Variants in NDUFS6 observed in about 807,000 individuals in gnomAD.
The protein encoded by NDUFS6 is NADH dehydrogenase [ubiquinone] iron-sulfur protein 6, mitochondrial.
A neutral mutation model predicts 13.2 loss-of-function variants in NDUFS6; 14 were observed. The ratio of observed to expected loss-of-function variants is 1.06; its 90% CI spans 0.70 to 1.66. The LOEUF (loss-of-function observed/expected upper bound fraction) is 1.66. Ranked by LOEUF, NDUFS6 falls within the 40% of genes most tolerant of loss-of-function variation. The pLI is 0.00. For synonymous variants in NDUFS6, 95 were observed against 72.3 expected (o/e 1.31, Z -1.60); for missense variants, 206 against 170.8 (o/e 1.21, Z -1.15).
chr5:1,812,521 C>T (rs1387406733), intron 2 of NDUFS6, among the ~76,000 whole-genome samples: 2 of 148,394 alleles, frequency 1.3e-5, no homozygotes, highest in African/African-American at 2.5e-5. Context: ...CAAATTTCCC[C>T]GGGTTGACTC....
At chr5:1,809,252 G>A (rs1405446117) in intron 2 of NDUFS6, among the ~76,000 whole-genome samples, 1 of 152,220 alleles carries the variant, frequency 6.6e-6, no homozygotes, top group Non-Finnish European at 1.5e-5. Context: ...CTTAACAAGA[G>A]ATGGCGTGCG....
intron 2 of NDUFS6, among the ~76,000 whole-genome samples, chr5:1,802,872 G>T (rs549437634): frequency 4.4e-4 from 67 of 151,992 alleles, no homozygotes; most frequent in Non-Finnish European, 9.1e-4. Context: ...GTGACCACTG[G>T]AGAAAGAATG....
At chr5:1,805,507 AC>A (rs1165278275) in intron 2 of NDUFS6, among the ~76,000 whole-genome samples, 2 of 152,238 alleles carry the variant, frequency 1.3e-5, no homozygotes, top group East Asian at 3.9e-4. Context: ...TGGGCCTGTG[AC>A]GGGCCTGCCT....
rs1321822637 is a variant in NDUFS6 at position 1,802,309 on chromosome 5, G to T, written c.133-12G>T. 1 of 1,613,118 alleles carries T rather than the reference G, an allele frequency of 6.2e-7. No individual in the cohort carries two copies. The highest frequency in any genetic ancestry group is 8.5e-7 in the Non-Finnish European group (1 of 1,179,380). On this transcript the variant is annotated splice_polypyrimidine_tract_variant and intron_variant, in intron 1 of 3. Coordinates refer to ENST00000274137, the MANE Select transcript of NDUFS6 (RefSeq NM_004553.6). ...CGTAAAAGTCACACATGGTCTTTTTGTTTTTTTCCAGGTTTATGATGATAA... is the reference window on the plus strand; with the variant it reads ...CGTAAAAGTCACACATGGTCTTTTTTTTTTTTTCCAGGTTTATGATGATAA...
intron 2 of NDUFS6, among the ~76,000 whole-genome samples, chr5:1,813,768 CACTTAGGAACAACCTA>C (rs1328008819): frequency 6.6e-6 from 1 of 152,194 alleles, no homozygotes; most frequent in Non-Finnish European, 1.5e-5. Flanking sequence ...CAAGAGAAAA[CACTTAGGAACAACCTA>C]ACCGGCATTC....
At chr5:1,802,861 A>G (rs908244132) in intron 2 of NDUFS6, among the ~76,000 whole-genome samples, 1 of 151,960 alleles carries the variant, frequency 6.6e-6, no homozygotes, top group Admixed American at 6.6e-5. Context: ...GGTGCCTGTG[A>G]GTGACCACTG....
intron 2 of NDUFS6, among the ~76,000 whole-genome samples, chr5:1,809,113 TC>T (rs1734172135): frequency 6.6e-6 from 1 of 152,194 alleles, no homozygotes; most frequent in Non-Finnish European, 1.5e-5. Context: ...AACCTACATA[TC>T]TTTATGCCCA....
intron 2 of NDUFS6, among the ~76,000 whole-genome samples, chr5:1,813,988 C>T (rs1049664905): frequency 3.9e-5 from 6 of 152,124 alleles, no homozygotes; most frequent in African/African-American, 9.7e-5. Flanking sequence ...CAGACAGGCC[C>T]GAGCAATACA....
At chr5:1,804,412 G>A (rs1385536436) in intron 2 of NDUFS6, among the ~76,000 whole-genome samples, 3 of 152,382 alleles carry the variant, frequency 2.0e-5, no homozygotes, top group Admixed American at 2.0e-4. Context: ...TGAGGGGTGG[G>A]TACGGGATAG....
At chr5:1,807,644 C>T (rs1188794544) in intron 2 of NDUFS6, among the ~76,000 whole-genome samples, 1 of 152,194 alleles carries the variant, frequency 6.6e-6, no homozygotes, top group Non-Finnish European at 1.5e-5. Context: ...CTCTGCACAC[C>T]CGTGGTGGTA....
Position 1,814,742 on chromosome 5 carries a change from T to C in NDUFS6, c.309+281T>C. 1 of 699,976 alleles carries C rather than the reference T, an allele frequency of 1.4e-6. No individual in the cohort carries two copies. The highest frequency in any genetic ancestry group is 1.5e-5 in the South Asian group (1 of 67,328). 43.4% of individuals were successfully genotyped at this position (699,976 alleles called of 1,614,324 possible). ...CCTCTCTGGGCCCTTCTCGGTTTGG[T>C]CATCATCTCAGCTCAGGCTGCCACA... On this transcript the variant is annotated intron_variant, in intron 3 of 3. Transcript: ENST00000274137. The surrounding 1 kb of genome is among the most constrained non-coding windows in gnomAD (Gnocchi z 4.9).
intron 2 of NDUFS6, among the ~76,000 whole-genome samples, chr5:1,804,595 G>A (rs1734096396): frequency 6.6e-6 from 1 of 152,222 alleles, no homozygotes; most frequent in African/African-American, 2.4e-5. Flanking sequence ...ATGATGAGTG[G>A]GCATCCTGCC....
At position 1,814,838 on chromosome 5, in the gene NDUFS6, C is replaced by T. The variant is rs1484586368; in HGVS notation, c.309+377C>T. Reference sequence around the variant, plus strand: ...CAGCGCTGGAGGCTGCAGCCCAAGACCACCGTGCCGCTCTGTGGGTTCCTC... The same window carrying T: ...CAGCGCTGGAGGCTGCAGCCCAAGATCACCGTGCCGCTCTGTGGGTTCCTC... On this transcript the variant is annotated intron_variant, in intron 3 of 3. Transcript: ENST00000274137. The surrounding 1 kb of genome is among the most constrained non-coding windows in gnomAD (Gnocchi z 4.9). 1.6e-6 allele frequency: 1 copy of T among 625,492 alleles called. No individual in the cohort carries two copies. Among genetic ancestry groups the T allele is most frequent in the Non-Finnish European group, 2.9e-6 (1 of 349,254 alleles). 38.7% of individuals were successfully genotyped at this position (625,492 alleles called of 1,614,324 possible). A position where few individuals can be genotyped will look rare whatever the true frequency, so the allele number is the denominator to read the frequency against.
At chr5:1,803,358 T>C (rs1734079210) in intron 2 of NDUFS6, among the ~76,000 whole-genome samples, 1 of 152,122 alleles carries the variant, frequency 6.6e-6, no homozygotes, top group Non-Finnish European at 1.5e-5. Flanking sequence ...GAGTGTTGGG[T>C]TGAGAAAGAT....
At chr5:1,802,196 T>C in intron 1 of NDUFS6, 125 bp from the exon 2 acceptor site, 1 of 896,912 alleles carries the variant, frequency 1.1e-6, no homozygotes, top group African/African-American at 1.7e-5. Flanking sequence ...TGTGCACTTG[T>C]TTGACTTTTC....
In NDUFS6 at chr5:1,814,886, G is replaced by A. The variant is rs1734283602; in HGVS notation, c.309+425G>A. 6.6e-6 allele frequency among the ~76,000 whole-genome samples: 1 copy of A among 152,150 alleles called. No individual in the cohort carries two copies. Among genetic ancestry groups the A allele is most frequent in the African/African-American group, 2.4e-5 (1 of 41,416 alleles). On this transcript the variant is annotated intron_variant, in intron 3 of 3. Coordinates refer to ENST00000274137, the MANE Select transcript of NDUFS6 (RefSeq NM_004553.6). The surrounding 1 kb of genome is among the most constrained non-coding windows in gnomAD (Gnocchi z 4.9). ...CTCCTGGGGCCTCGCTCCGGGGCTT[G>A]CAGATGAGGTCTCCTCCCTGTGTCT...
intron 2 of NDUFS6, among the ~76,000 whole-genome samples, chr5:1,811,785 T>C (rs1734223106): frequency 6.6e-6 from 1 of 152,226 alleles, no homozygotes; most frequent in African/African-American, 2.4e-5. Flanking sequence ...GACTGCTACA[T>C]AGGTGATGTA....
chr5:1,806,310 CT>C (rs1734121094), intron 2 of NDUFS6, among the ~76,000 whole-genome samples: 1 of 152,162 alleles, frequency 6.6e-6, no homozygotes, highest in Admixed American at 6.5e-5. Flanking sequence ...TCCTCAGATG[CT>C]CGGCAGGGCG....
chr5:1,810,010 C>T (rs1039027256), intron 2 of NDUFS6, among the ~76,000 whole-genome samples: 1 of 152,266 alleles, frequency 6.6e-6, no homozygotes, highest in Non-Finnish European at 1.5e-5. Context: ...CTGTAACTGA[C>T]AGAACCTCTT....
Sources: allele counts gnomAD v4.1 joint callset (sites outside exome capture counted in the v4.1 genomes callset), GRCh38; gene constraint gnomAD v4.1.1; non-coding constraint Gnocchi (gnomAD v3.1); transcripts MANE v1.5; gene names NCBI Gene and HGNC (gene_info 2026-07-23, HGNC 2026-07-21).